MARF1: variants seen among roughly 807,000 people sequenced by gnomAD.
The protein encoded by MARF1 is meiosis regulator and mRNA stability factor 1, also known as limkain-b1.
In MARF1, 24 loss-of-function variants were observed where a neutral mutation model predicts 168.2. The observed-to-expected ratio is 0.14, with a 90% CI of 0.10 to 0.20. MARF1 has a LOEUF of 0.20. Among genes scored for constraint, MARF1 ranks in the 10% least tolerant of loss-of-function variants. MARF1 has a pLI of 1.00. For missense variants in MARF1, 1,744 were observed against 2,143.6 expected, an observed-to-expected ratio of 0.81 and a Z score of 3.68; for synonymous variants, 868 against 822.4, an observed-to-expected ratio of 1.06 and a Z score of -0.95.
At chr16:15,607,853 C>A (rs2033147154) in intron 21 of MARF1, among the ~76,000 whole-genome samples, 1 of 152,306 alleles carries the variant, frequency 6.6e-6, no homozygotes, top group African/African-American at 2.4e-5. Context: ...TCTGCACCCT[C>A]GCTTGCTCCT....
At chr16:15,612,475 A>T in intron 17 of MARF1, 82 bp downstream of exon 17, 3 of 1,225,846 alleles carry the variant, frequency 2.4e-6, no homozygotes, top group Non-Finnish European at 3.6e-6. Context: ...CTTAGGAATT[A>T]AACTGTTTCT....
chr16:15,635,585 G>A, intron 3 of MARF1, 71 bp downstream of exon 3: 1 of 1,348,636 alleles, frequency 7.4e-7, no homozygotes. Context: ...TACTTTTCAA[G>A]ATAAATCCAC....
In MARF1 at chr16:15,625,451, C is replaced by T; in HGVS notation, c.1874G>A (p.Ser625Asn). ...CCCTTTTCCAGGCGTGGCTTTGGCA[C>T]TGGAAGATTGTTCACTTGCATCTTT... ...LIKDASEQSS[S>N]AKATPGKGSQ... The change falls in exon 8 of 27, where the codon AGT (serine) becomes AAT (asparagine). Residue 625 changes from serine to asparagine, a missense_variant. Ser to Asn is a conservative substitution (Grantham distance 46). Transcript: ENST00000396368. The T allele has an allele frequency of 6.2e-7, 1 of 1,614,178 alleles. No homozygotes were observed. The highest frequency in any genetic ancestry group is 8.5e-7 in the Non-Finnish European group (1 of 1,180,036).
chr16:15,597,360 T>C (rs2031830702), intron 26 of MARF1, among the ~76,000 whole-genome samples: 1 of 152,174 alleles, frequency 6.6e-6, no homozygotes, highest in Admixed American at 6.5e-5. Flanking sequence ...GTCAGGGAGC[T>C]CCTGGCCTGC....
intron 1 of MARF1, among the ~76,000 whole-genome samples, chr16:15,639,994 G>A (rs565500236): frequency 2.0e-5 from 3 of 152,258 alleles, no homozygotes; most frequent in Non-Finnish European, 4.4e-5. Context: ...TCCAGAGTGA[G>A]ACTTCACCTC....
intron 11 of MARF1, among the ~76,000 whole-genome samples, 168 bp downstream of exon 11, chr16:15,622,766 C>A (rs2034557250): frequency 6.6e-6 from 1 of 152,202 alleles, no homozygotes; most frequent in Non-Finnish European, 1.5e-5. Flanking sequence ...ATTGTAAAAA[C>A]TGGATTTATA....
In MARF1 at chr16:15,596,331, G is replaced by C. The variant is rs917490908; in HGVS notation, c.*362C>G. ...CTACATGTAGGATGACACCACCGAC[G>C]TGGCTCAATGGAAGCAAAACCGCTT... On this transcript the variant is annotated 3_prime_UTR_variant, in exon 27 of 27. Transcript: ENST00000396368. 1 of 166,150 alleles carries C rather than the reference G, an allele frequency of 6.0e-6. No individual in the cohort carries two copies. The highest frequency in any genetic ancestry group is 1.3e-5 in the Non-Finnish European group (1 of 77,294). The allele number at this position is 166,150 out of a possible 1,614,324, so 10.3% of individuals were successfully genotyped here.
At chr16:15,599,359 C>T (rs1313531685) in intron 25 of MARF1, among the ~76,000 whole-genome samples, 1 of 152,040 alleles carries the variant, frequency 6.6e-6, no homozygotes, top group African/African-American at 2.4e-5. Flanking sequence ...TAGTTAACAG[C>T]AAGTGGAAGC....
chr16:15,600,782 C>T (rs571528917), intron 23 of MARF1, 81 bp from the exon 24 acceptor site: 15 of 1,436,602 alleles, frequency 1.0e-5, no homozygotes, highest in South Asian at 3.4e-5. Context: ...GTGTGACCTA[C>T]GGAGCCTGCC....
At chr16:15,608,853 G>A (rs1332487196) in intron 20 of MARF1, 1 of 332,878 alleles carries the variant, frequency 3.0e-6, no homozygotes, top group African/African-American at 2.1e-5. Context: ...CTTAGCAACA[G>A]CGAACAGCTT....
At chr16:15,611,240 C>T (rs933631596) in intron 18 of MARF1, 132 bp from the exon 19 acceptor site, 19 of 816,298 alleles carry the variant, frequency 2.3e-5, no homozygotes, top group South Asian at 5.1e-5. Context: ...GGACGGATCA[C>T]GAGGTCAAGA....
intron 21 of MARF1, chr16:15,605,816 T>C (rs1207591891): frequency 2.0e-5 from 3 of 152,312 alleles, no homozygotes; most frequent in Non-Finnish European, 2.9e-5. Context: ...TTCTTGCTGC[T>C]CACACCCCAG....
At chr16:15,611,429 A>T (rs1470599027) in intron 18 of MARF1, among the ~76,000 whole-genome samples, 163 bp downstream of exon 18, 2 of 143,996 alleles carry the variant, frequency 1.4e-5, no homozygotes, top group African/African-American at 5.2e-5. Context: ...ACTGGGCGAC[A>T]GAGCGAGACT....
rs181726310 is a variant in MARF1, at chr16:15,637,477, A to T, written c.145-1135T>A. 2.3e-4 allele frequency among the ~76,000 whole-genome samples: 35 copies of T among 152,354 alleles called. No homozygotes were observed. The East Asian group carries it at 5.8e-3, about 25-fold the overall frequency. ...CTAAACTTTCCCTAAAAGGGAGATAACAGCAACGGGCTGACCAGCCAATGA... is the reference window on the plus strand; with the variant it reads ...CTAAACTTTCCCTAAAAGGGAGATATCAGCAACGGGCTGACCAGCCAATGA... On this transcript the variant is annotated intron_variant, in intron 2 of 26. Coordinates refer to ENST00000396368, the MANE Select transcript of MARF1 (RefSeq NM_014647.4).
At chr16:15,610,837 C>T in intron 19 of MARF1, 138 bp downstream of exon 19, 2 of 775,500 alleles carry the variant, frequency 2.6e-6, no homozygotes, top group Non-Finnish European at 4.2e-6. Flanking sequence ...ATCCAAAGAG[C>T]AGCAGTTTTC....
At chr16:15,624,340 T>C (rs762227114) in intron 10 of MARF1, among the ~76,000 whole-genome samples, 1 of 152,214 alleles carries the variant, frequency 6.6e-6, no homozygotes, top group Non-Finnish European at 1.5e-5. Context: ...GCATCAAGAA[T>C]TCCTTGGTGT....
rs1304464474 is a variant in MARF1, at chr16:15,595,484, T to G, written c.*1209A>C. 6.6e-6 allele frequency: 1 copy of G among 152,454 alleles called. No individual in the cohort carries two copies. Among genetic ancestry groups the G allele is most frequent in the East Asian group, 1.9e-4 (1 of 5,184 alleles). The allele number at this position is 152,454 out of a possible 1,614,324, so 9.4% of individuals were successfully genotyped here. A position where few individuals can be genotyped will look rare whatever the true frequency, so the allele number is the denominator to read the frequency against. On this transcript the variant is annotated 3_prime_UTR_variant, in exon 27 of 27. Transcript: ENST00000396368. ...AATACAATCCATTGTAAATGTCAGG[T>G]TTCTCTAGAGGGGGGTGAGAGGCCA...
intron 6 of MARF1, among the ~76,000 whole-genome samples, 199 bp from the exon 7 acceptor site, chr16:15,630,703 A>T (rs1036828413): frequency 6.6e-6 from 1 of 152,182 alleles, no homozygotes; most frequent in Non-Finnish European, 1.5e-5. Flanking sequence ...TCCAAGACAC[A>T]TATGTTACTT....
At chr16:15,626,961 G>GGAA (rs1555528250) in intron 7 of MARF1, among the ~76,000 whole-genome samples, 2 of 116,358 alleles carry the variant, frequency 1.7e-5, no homozygotes, top group East Asian at 5.0e-4. Context: ...GAGATTCTGT[G>GGAA]AAAAAAAAAA....
Sources: gnomAD v4.1 joint callset for allele counts (sites outside exome capture counted in the v4.1 genomes callset) on GRCh38, gnomAD v4.1.1 for gene constraint, MANE v1.5 for transcripts, NCBI Gene and HGNC (gene_info 2026-07-23, HGNC 2026-07-21) for gene names.